ONECUT2: variants seen among roughly 807,000 people sequenced by gnomAD.
ONECUT2 encodes one cut domain family member 2.
Under a neutral mutation model 27.9 loss-of-function variants are expected in ONECUT2, and 10 were observed. That is an observed-to-expected ratio of 0.36 (90% CI 0.22 to 0.61). ONECUT2 has a LOEUF of 0.61. Among genes scored for constraint, ONECUT2 ranks in the 20% least tolerant of loss-of-function variants. ONECUT2 has a pLI of 0.73. For synonymous variants in ONECUT2, 334 were observed against 315.1 expected (o/e 1.06, Z -0.64); for missense variants, 686 against 721.0 (o/e 0.95, Z 0.56).
Position 57,465,577 on chromosome 18 carries a change from G to T in ONECUT2, c.1229-10860G>T, listed in dbSNP as rs79960909. Among the ~76,000 whole-genome samples, 64 of 152,180 alleles carry T rather than the reference G, an allele frequency of 4.2e-4. No individual in the cohort carries two copies. In the East Asian group the frequency reaches 0.01, roughly 25 times the overall value. ...AAGCCACCTCTTTTTGCATCATATT[G>T]TTATATCAAATGATTCTCTAAAATG... On this transcript the variant is annotated intron_variant, in intron 1 of 1. Transcript: ENST00000491143.
intron 1 of ONECUT2, among the ~76,000 whole-genome samples, chr18:57,475,376 A>G (rs1321645241): frequency 6.6e-6 from 1 of 152,184 alleles, no homozygotes; most frequent in African/African-American, 2.4e-5. Context: ...ATTATAACAC[A>G]CGTTCTCATG....
chr18:57,488,096 G>A lies in ONECUT2; in HGVS notation c.*11373G>A, dbSNP rs1025311412. The A allele has an allele frequency of 1.3e-5, 2 of 152,658 alleles. No individual in the cohort carries two copies. Among genetic ancestry groups the A allele is most frequent in the South Asian group, 2.1e-4 (1 of 4,824 alleles). 9.5% of individuals were successfully genotyped at this position (152,658 alleles called of 1,614,324 possible). ...CTGTCAATGAGGGTATATTGGGAAC[G>A]TGCTCTCGTGAATAATAAAAAGCAA... On this transcript the variant is annotated 3_prime_UTR_variant, in exon 2 of 2. Transcript: ENST00000491143.
At chr18:57,460,961 G>A (rs1202644412) in intron 1 of ONECUT2, among the ~76,000 whole-genome samples, 1 of 152,176 alleles carries the variant, frequency 6.6e-6, no homozygotes, top group Non-Finnish European at 1.5e-5. Flanking sequence ...TGGCATTATG[G>A]CGTGAGCCAC....
At chr18:57,464,109 G>C (rs2050307386) in intron 1 of ONECUT2, among the ~76,000 whole-genome samples, 1 of 152,054 alleles carries the variant, frequency 6.6e-6, no homozygotes. Flanking sequence ...CTCCCAGCCT[G>C]TTATTTACTA....
Position 57,436,378 on chromosome 18 carries a change from G to C in ONECUT2, c.662G>C (p.Ser221Thr). 1 of 1,608,514 alleles carries C rather than the reference G, an allele frequency of 6.2e-7. No homozygotes were observed. Among genetic ancestry groups the C allele is most frequent in the Non-Finnish European group, 8.5e-7 (1 of 1,179,808 alleles). The change falls in exon 1 of 2, where the codon AGC becomes ACC. Residue 221 changes from serine (S) to threonine (T), a missense_variant. Physicochemically the swap from Ser to Thr is moderately conservative, Grantham distance 58. This residue lies in a region of ONECUT2 where 511 missense variants were observed against 488.1 expected (regional missense o/e 1.05). Transcript: ENST00000491143. The surrounding 1 kb of genome is among the most constrained non-coding windows in gnomAD (Gnocchi z 5.9). The part of the protein sequence containing the change: ...YSPYKEMPGM[S>T]QSLSPLAATP... ...CCCTACAAGGAGATGCCCGGCATGA[G>C]CCAGAGCCTGTCCCCGCTGGCCGCC...
rs1184650497 is a variant in ONECUT2 at position 57,477,778 on chromosome 18, A to G, written c.*1055A>G. On this transcript the variant is annotated 3_prime_UTR_variant, in exon 2 of 2. Coordinates refer to ENST00000491143, the MANE Select transcript of ONECUT2 (RefSeq NM_004852.3). ...CATCTGGTCCCTCCTACTGTGTGTT[A>G]TGACCACCACGTAATCCATTCTCGC... The G allele has an allele frequency of 2.0e-5, 3 of 152,490 alleles. No individual in the cohort carries two copies. Among genetic ancestry groups the G allele is most frequent in the Non-Finnish European group, 4.4e-5 (3 of 68,034 alleles). The allele number at this position is 152,490 out of a possible 1,614,324, so 9.4% of individuals were successfully genotyped here. A position where few individuals can be genotyped will look rare whatever the true frequency, so the allele number is the denominator to read the frequency against.
Position 57,435,511 on chromosome 18 carries a change from TC to T in ONECUT2, c.-203del, listed in dbSNP as rs2050132671. 3.4e-5 allele frequency among the ~76,000 whole-genome samples: 1 copy of T among 29,056 alleles called. No homozygotes were observed. The highest frequency in any genetic ancestry group is 7.2e-5 in the Non-Finnish European group (1 of 13,930). 19.1% of individuals were successfully genotyped at this position (29,056 alleles called of 152,430 possible). A position where few individuals can be genotyped will look rare whatever the true frequency, so the allele number is the denominator to read the frequency against. On this transcript the variant is annotated 5_prime_UTR_variant, in exon 1 of 2. Coordinates refer to ENST00000491143, the MANE Select transcript of ONECUT2 (RefSeq NM_004852.3). ...CCCTCCCTCCCCGTCCCCTCCCCTC[TC>T]CCGCACGCACGCCCCGTCCGCCCCC... is the stretch of plus-strand genomic sequence containing the variant.
At chr18:57,451,907 G>T (rs2050232309) in intron 1 of ONECUT2, among the ~76,000 whole-genome samples, 1 of 152,194 alleles carries the variant, frequency 6.6e-6, no homozygotes, top group Non-Finnish European at 1.5e-5. Context: ...TACATGGCAG[G>T]AAGCATGGGC....
chr18:57,489,800 G>A lies in ONECUT2; in HGVS notation c.*13077G>A, dbSNP rs2050456096. On this transcript the variant is annotated 3_prime_UTR_variant, in exon 2 of 2. Coordinates refer to ENST00000491143, the MANE Select transcript of ONECUT2 (RefSeq NM_004852.3). ...GCCAGCAAACTTCTTACCGTGAAAT[G>A]TTGTAAAACACCTGGCATACTGAAA... is the stretch of plus-strand genomic sequence containing the variant. The A allele has an allele frequency of 1.3e-5, 2 of 152,122 alleles. No homozygotes were observed. Among genetic ancestry groups the A allele is most frequent in the South Asian group, 4.2e-4 (2 of 4,818 alleles). 9.4% of individuals were successfully genotyped at this position (152,122 alleles called of 1,614,324 possible).
At chr18:57,447,455 G>C (rs1439013092) in intron 1 of ONECUT2, among the ~76,000 whole-genome samples, 9 of 152,228 alleles carry the variant, frequency 5.9e-5, no homozygotes, top group Non-Finnish European at 1.3e-4. Flanking sequence ...TCAGCTCTCT[G>C]TGTGAGATCA....
chr18:57,467,456 C>T (rs2050329201), intron 1 of ONECUT2, among the ~76,000 whole-genome samples: 1 of 152,110 alleles, frequency 6.6e-6, no homozygotes, highest in African/African-American at 2.4e-5. Context: ...ATCTCTGCCT[C>T]CCGGGTTGAA....
At chr18:57,441,761 C>G (rs2050175396) in intron 1 of ONECUT2, among the ~76,000 whole-genome samples, 1 of 152,254 alleles carries the variant, frequency 6.6e-6, no homozygotes, top group Admixed American at 6.5e-5. Flanking sequence ...CTCATCGGTT[C>G]TCGTACTAAA....
chr18:57,436,609 C>A lies in ONECUT2; in HGVS notation c.893C>A (p.Pro298Gln). Reference sequence around the variant, plus strand: ...TCGCACCTGAACGGCCTGCACCACCCGGGCCACACTCAGTCTCACGGGCCG... The same window carrying A: ...TCGCACCTGAACGGCCTGCACCACCAGGGCCACACTCAGTCTCACGGGCCG... The part of the protein sequence containing the change: ...MMSHLNGLHH[P>Q]GHTQSHGPVL... Residue 298 changes from proline (P) to glutamine (Q), a missense_variant, in exon 1 of 2, where the codon CCG becomes CAG. This residue lies in a region of ONECUT2 where 511 missense variants were observed against 488.1 expected (regional missense o/e 1.05). Transcript: ENST00000491143. This position sits in a 1 kb window ranked among gnomAD's most constrained non-coding sequence, Gnocchi z 5.9. 6.2e-7 allele frequency: 1 copy of A among 1,610,856 alleles called. No homozygotes were observed. The highest frequency in any genetic ancestry group is 8.5e-7 in the Non-Finnish European group (1 of 1,179,888).
At chr18:57,453,806 T>C (rs12327408) in intron 1 of ONECUT2, among the ~76,000 whole-genome samples, 2 of 152,278 alleles carry the variant, frequency 1.3e-5, no homozygotes, top group South Asian at 2.1e-4. Context: ...TGAAAGCAAA[T>C]AGGATAAATT....
intron 1 of ONECUT2, among the ~76,000 whole-genome samples, chr18:57,438,362 G>A (rs2050155397): frequency 6.6e-6 from 1 of 152,214 alleles, no homozygotes; most frequent in African/African-American, 2.4e-5. Flanking sequence ...ACAATTCGTG[G>A]TGGCGATGAT....
At chr18:57,472,323 T>C (rs545324611) in intron 1 of ONECUT2, among the ~76,000 whole-genome samples, 2 of 152,310 alleles carry the variant, frequency 1.3e-5, no homozygotes, top group Admixed American at 1.3e-4. Flanking sequence ...GGTCTGAGGA[T>C]GCTGAGGTCA....
intron 1 of ONECUT2, among the ~76,000 whole-genome samples, chr18:57,472,844 T>A (rs2050361519): frequency 6.6e-6 from 1 of 152,180 alleles, no homozygotes; most frequent in South Asian, 2.1e-4. Context: ...AATATTGGTA[T>A]GAAAATTGAG....
At chr18:57,459,990 A>G (rs2050281253) in intron 1 of ONECUT2, among the ~76,000 whole-genome samples, 1 of 152,138 alleles carries the variant, frequency 6.6e-6, no homozygotes, top group Non-Finnish European at 1.5e-5. Flanking sequence ...AGCCCCAATC[A>G]TAGCTCACTG....
intron 1 of ONECUT2, among the ~76,000 whole-genome samples, chr18:57,472,856 G>C (rs1483370893): frequency 1.3e-5 from 2 of 152,166 alleles, no homozygotes; most frequent in Non-Finnish European, 2.9e-5. Flanking sequence ...AAAATTGAGA[G>C]CTATGTGGTT....
Sources: gnomAD v4.1 joint callset for allele counts (sites outside exome capture counted in the v4.1 genomes callset) on GRCh38, gnomAD v4.1.1 for gene constraint, gnomAD v4.1.1 regional missense constraint, Gnocchi (gnomAD v3.1) non-coding constraint, MANE v1.5 for transcripts, NCBI Gene and HGNC (gene_info 2026-07-23, HGNC 2026-07-21) for gene names.